The following VRK2 variants were observed in gnomAD, a reference collection of about 807,000 sequenced individuals.
The protein encoded by VRK2 is serine/threonine-protein kinase VRK2.
Under a neutral mutation model 57.6 loss-of-function variants are expected in VRK2, and 60 were observed. The observed-to-expected ratio is 1.04, with a 90% CI of 0.85 to 1.29. VRK2 has a LOEUF of 1.29. VRK2 is among the 50% of genes most tolerant of loss of function. VRK2 has a pLI of 0.00. For missense variants in VRK2, 705 were observed against 588.1 expected, an observed-to-expected ratio of 1.20 and a Z score of -2.06; for synonymous variants, 231 against 199.2, an observed-to-expected ratio of 1.16 and a Z score of -1.35.
intron 8 of VRK2, among the ~76,000 whole-genome samples, chr2:58,128,437 T>C (rs1289703511): frequency 1.3e-5 from 2 of 152,182 alleles, no homozygotes; most frequent in African/African-American, 4.8e-5. Context: ...GTTCAAGCAA[T>C]TCTCCTGCCT....
chr2:57,976,791 G>T (rs1672264499), intron 1 of VRK2, among the ~76,000 whole-genome samples: 1 of 151,952 alleles, frequency 6.6e-6, no homozygotes, highest in Non-Finnish European at 1.5e-5. Flanking sequence ...TGAAATATTT[G>T]CCAAGACCTA....
chr2:58,003,654 T>C (rs556861875), intron 1 of VRK2, among the ~76,000 whole-genome samples: 1 of 152,256 alleles, frequency 6.6e-6, no homozygotes, highest in African/African-American at 2.4e-5. Flanking sequence ...CTACCTTTTC[T>C]GGCAATTTTA....
chr2:58,075,733 C>G (rs1370539306), intron 2 of VRK2, among the ~76,000 whole-genome samples: 1 of 152,080 alleles, frequency 6.6e-6, no homozygotes, highest in African/African-American at 2.4e-5. Flanking sequence ...GATAGGAAAG[C>G]TAGAAGAGGC....
At chr2:58,109,864 A>AAG (rs1675303193) in intron 7 of VRK2, among the ~76,000 whole-genome samples, 2 of 151,650 alleles carry the variant, frequency 1.3e-5, no homozygotes, top group Non-Finnish European at 2.9e-5. Flanking sequence ...TCTGTATGTA[A>AAG]ATATATATAT....
chr2:58,095,095 A>T (rs1045854283), intron 7 of VRK2, among the ~76,000 whole-genome samples: 1 of 152,134 alleles, frequency 6.6e-6, no homozygotes, highest in African/African-American at 2.4e-5. Context: ...GGAGATAGAG[A>T]CCATCCTGGC....
At chr2:57,986,897 C>G (rs1172010964) in intron 1 of VRK2, among the ~76,000 whole-genome samples, 4 of 152,160 alleles carry the variant, frequency 2.6e-5, no homozygotes, top group South Asian at 4.2e-4. Flanking sequence ...TCGTGCCCAG[C>G]CTCAATTGAT....
At chr2:57,961,599 T>C (rs1671760743) in intron 1 of VRK2, among the ~76,000 whole-genome samples, 1 of 149,938 alleles carries the variant, frequency 6.7e-6, no homozygotes, top group African/African-American at 2.5e-5. Flanking sequence ...TTTGTGGTCA[T>C]CTATGCTGTC....
At chr2:58,086,649 C>A (rs780982211) in intron 5 of VRK2, among the ~76,000 whole-genome samples, 2 of 152,172 alleles carry the variant, frequency 1.3e-5, no homozygotes, top group Non-Finnish European at 2.9e-5. Context: ...TGCTGGGTTA[C>A]ATTCATTTCA....
chr2:57,997,657 G>A (rs1672965740), intron 1 of VRK2, among the ~76,000 whole-genome samples: 1 of 152,130 alleles, frequency 6.6e-6, no homozygotes, highest in South Asian at 2.1e-4. Flanking sequence ...AATCCCGGCA[G>A]TTTGGGAAGC....
intron 2 of VRK2, among the ~76,000 whole-genome samples, chr2:58,029,417 T>C (rs1674044418): frequency 6.6e-6 from 1 of 152,138 alleles, no homozygotes; most frequent in Non-Finnish European, 1.5e-5. Flanking sequence ...ACTGCTTAGA[T>C]GGTACCATCT....
rs181119924 is a variant in VRK2, at chr2:58,149,178, C to T, written c.1182+2704C>T. On this transcript the variant is annotated intron_variant, in intron 12 of 12. Coordinates refer to ENST00000340157, the MANE Select transcript of VRK2 (RefSeq NM_006296.7). ...ACTTCTCTGCATTTATGTGCATTTT[C>T]TTTAACTTCTCTCAACAGTGTTTTG... Among the ~76,000 whole-genome samples the T allele has an allele frequency of 2.6e-3, 394 of 151,824 alleles. 2 individuals are homozygous for T. Among genetic ancestry groups the T allele is most frequent in the Middle Eastern group, 0.01 (3 of 294 alleles).
chr2:57,965,390 T>C (rs1294053054), intron 1 of VRK2, among the ~76,000 whole-genome samples: 1 of 152,212 alleles, frequency 6.6e-6, no homozygotes, highest in Non-Finnish European at 1.5e-5. Flanking sequence ...AAGTGTAGAA[T>C]GGGAACCAGA....
chr2:57,938,976 G>A (rs1314002273), intron 1 of VRK2, among the ~76,000 whole-genome samples: 1 of 152,062 alleles, frequency 6.6e-6, no homozygotes, highest in Admixed American at 6.5e-5. Flanking sequence ...TAATATTACA[G>A]AAACTCCAGA....
intron 1 of VRK2, among the ~76,000 whole-genome samples, chr2:57,982,814 GA>G (rs1248566894): frequency 1.3e-5 from 2 of 152,188 alleles, no homozygotes; most frequent in African/African-American, 2.4e-5. Flanking sequence ...GAACATTGGG[GA>G]ATGGGCACCA....
intron 2 of VRK2, among the ~76,000 whole-genome samples, chr2:58,059,698 T>C (rs1677046692): frequency 6.6e-6 from 1 of 151,848 alleles, no homozygotes; most frequent in South Asian, 2.1e-4. Context: ...ATGATTATTA[T>C]ATACTCAAGG....
At chr2:58,116,874 A>C (rs1030115511) in intron 7 of VRK2, among the ~76,000 whole-genome samples, 6 of 152,164 alleles carry the variant, frequency 3.9e-5, no homozygotes, top group Non-Finnish European at 8.8e-5. Flanking sequence ...TGGCACTTGT[A>C]GCAAGCTCCT....
intron 8 of VRK2, among the ~76,000 whole-genome samples, chr2:58,123,556 A>G (rs1237409652): frequency 3.3e-5 from 5 of 152,136 alleles, no homozygotes; most frequent in African/African-American, 1.2e-4. Flanking sequence ...AGTGAATATT[A>G]CAGATTTGGT....
intron 1 of VRK2, among the ~76,000 whole-genome samples, chr2:57,970,851 C>T (rs185278397): frequency 6.6e-6 from 1 of 151,996 alleles, no homozygotes; most frequent in Non-Finnish European, 1.5e-5. Context: ...TAAAACCAGT[C>T]TCAGACATTG....
intron 10 of VRK2, among the ~76,000 whole-genome samples, chr2:58,135,969 T>C (rs1371354305): frequency 6.6e-6 from 1 of 152,200 alleles, no homozygotes; most frequent in African/African-American, 2.4e-5. Context: ...GTTTTCTGTT[T>C]ACACTGGACA....
Sources: gnomAD v4.1 joint callset for allele counts (sites outside exome capture counted in the v4.1 genomes callset) on GRCh38, gnomAD v4.1.1 for gene constraint, MANE v1.5 for transcripts, NCBI Gene and HGNC (gene_info 2026-07-23, HGNC 2026-07-21) for gene names.